Variants in POU2F1 observed in about 807,000 individuals in gnomAD.
POU2F1 encodes the protein POU class 2 homeobox 1.
In POU2F1, 16 loss-of-function variants were observed where a neutral mutation model predicts 84.9. The ratio of observed to expected loss-of-function variants is 0.19; its 90% CI spans 0.13 to 0.29. POU2F1 has a LOEUF of 0.29. POU2F1 is among the 10% of genes least tolerant of loss of function. POU2F1 has a pLI of 1.00. For synonymous variants in POU2F1, 368 were observed against 368.3 expected (o/e 1.00, Z 0.01); for missense variants, 738 against 942.6 (o/e 0.78, Z 2.84).
chr1:167,348,160 A>G (rs1658321273), intron 2 of POU2F1, among the ~76,000 whole-genome samples: 1 of 152,256 alleles, frequency 6.6e-6, no homozygotes, highest in African/African-American at 2.4e-5. Flanking sequence ...CCTAAACTAT[A>G]TGATATAGCC....
rs748982302 is a variant in POU2F1, at chr1:167,398,042, C to G, written c.1178C>G (p.Ser393Cys). Residue 393 changes from serine (S) to cysteine (C), a missense_variant, in exon 11 of 16, where the codon TCT becomes TGT. By Grantham distance (112) the Ser-to-Cys change is moderately radical. Around this residue, in one of 4 missense-constraint regions of POU2F1, gnomAD observed 95 missense variants for 195.1 expected, o/e 0.49. Coordinates refer to ENST00000367866, the MANE Select transcript of POU2F1 (RefSeq NM_002697.4). The part of the protein sequence containing the change: ...SSLSSPSALN[S>C]PGIEGLSRRR... ...CTCTCCAGCCCAAGTGCCCTGAATT[C>G]TCCAGGAATTGAGGGCTTGAGCCGT... The G allele has an allele frequency of 8.7e-6, 14 of 1,613,926 alleles. No individual in the cohort carries two copies. The highest frequency in any genetic ancestry group is 8.5e-7 in the Non-Finnish European group (1 of 1,179,924).
chr1:167,321,551 G>C (rs918748757), intron 1 of POU2F1, among the ~76,000 whole-genome samples: 3 of 152,122 alleles, frequency 2.0e-5, no homozygotes, highest in African/African-American at 7.2e-5. Context: ...GGAGAATTCT[G>C]GAGGAAAATG....
At chr1:167,311,508 A>C (rs1035122742) in intron 1 of POU2F1, among the ~76,000 whole-genome samples, 20 of 152,226 alleles carry the variant, frequency 1.3e-4, no homozygotes, top group Non-Finnish European at 2.9e-5. Flanking sequence ...CATGTTCCAT[A>C]TAACAATGTT....
intron 13 of POU2F1, among the ~76,000 whole-genome samples, chr1:167,405,607 G>A (rs1222109632): frequency 6.6e-6 from 1 of 152,070 alleles, no homozygotes; most frequent in African/African-American, 2.4e-5. Context: ...AGGGTCACTT[G>A]AGCCTGGAAA....
intron 1 of POU2F1, among the ~76,000 whole-genome samples, chr1:167,225,825 TTTG>T (rs1269612285): frequency 7.9e-5 from 12 of 152,350 alleles, no homozygotes; most frequent in Non-Finnish European, 1.6e-4. Context: ...ATCGGTTATT[TTTG>T]TTTTGTTTTT....
At chr1:167,305,949 C>CT (rs1459709228) in intron 1 of POU2F1, among the ~76,000 whole-genome samples, 1 of 152,088 alleles carries the variant, frequency 6.6e-6, no homozygotes, top group Admixed American at 6.5e-5. Flanking sequence ...CACATGTATT[C>CT]TTTTATTTTT....
At chr1:167,312,987 T>C (rs1032569415) in intron 1 of POU2F1, among the ~76,000 whole-genome samples, 32 of 152,168 alleles carry the variant, frequency 2.1e-4, no homozygotes, top group Admixed American at 3.3e-4. Context: ...ATAGCCTAGG[T>C]GTATAGTAGC....
intron 6 of POU2F1, 92 bp downstream of exon 6, chr1:167,374,388 T>G: frequency 7.7e-7 from 1 of 1,295,958 alleles, no homozygotes; most frequent in Non-Finnish European, 1.0e-6. Context: ...ATTGTTAGTG[T>G]GGGGCCTTAA....
rs527288900 is a variant in POU2F1 at position 167,395,658 on chromosome 1, G to A, written c.988-628G>A. Among the ~76,000 whole-genome samples, 4 of 152,098 alleles carry A rather than the reference G, an allele frequency of 2.6e-5. No homozygotes were observed. The East Asian group carries it at 7.7e-4, about 29-fold the overall frequency. On this transcript the variant is annotated intron_variant, in intron 9 of 15. Transcript: ENST00000367866. ...CTCGCTCTGTCACCCAGACTGGAGT[G>A]CGGTGCCATGATCACGGCTTGCTAC... is the stretch of plus-strand genomic sequence containing the variant.
At chr1:167,256,684 G>A (rs1380883167) in intron 1 of POU2F1, among the ~76,000 whole-genome samples, 2 of 152,246 alleles carry the variant, frequency 1.3e-5, no homozygotes, top group East Asian at 3.9e-4. Context: ...CGAAATGATA[G>A]TCTTTGGATG....
chr1:167,305,805 G>C (rs978805010), intron 1 of POU2F1, among the ~76,000 whole-genome samples: 1 of 152,116 alleles, frequency 6.6e-6, no homozygotes, highest in Non-Finnish European at 1.5e-5. Flanking sequence ...ATTATGGAAA[G>C]ATTACAAAGT....
At chr1:167,281,849 C>T (rs1022071171) in intron 1 of POU2F1, among the ~76,000 whole-genome samples, 4 of 152,198 alleles carry the variant, frequency 2.6e-5, no homozygotes, top group Non-Finnish European at 4.4e-5. Context: ...CTTCTCTCAA[C>T]GGTGCATCAC....
At chr1:167,247,502 G>A (rs1420737937) in intron 1 of POU2F1, among the ~76,000 whole-genome samples, 10 of 151,996 alleles carry the variant, frequency 6.6e-5, no homozygotes, top group African/African-American at 2.4e-4. Context: ...GCTTCTTTTT[G>A]TTGTTGTTTC....
chr1:167,313,095 A>T (rs1001525662), intron 1 of POU2F1, among the ~76,000 whole-genome samples: 3 of 152,224 alleles, frequency 2.0e-5, no homozygotes, highest in Admixed American at 1.3e-4. Flanking sequence ...ACAAAGTATG[A>T]CTATATACTT....
chr1:167,348,661 A>T (rs1055844781), intron 2 of POU2F1, among the ~76,000 whole-genome samples: 10 of 152,192 alleles, frequency 6.6e-5, no homozygotes, highest in African/African-American at 2.4e-4. Context: ...TAGTCAAAAT[A>T]TCTTGTAATA....
Position 167,421,047 on chromosome 1 carries a change from T to C in POU2F1, c.*5237T>C, listed in dbSNP as rs570638773. The C allele has an allele frequency of 1.3e-5, 2 of 152,316 alleles. No individual in the cohort carries two copies. Among genetic ancestry groups the C allele is most frequent in the Admixed American group, 1.3e-4 (2 of 15,294 alleles). The allele number at this position is 152,316 out of a possible 1,614,324, so 9.4% of individuals were successfully genotyped here. ...TGCTCATAACTGATATGAGTTTGCT[T>C]TTATGTGTGTGTGGAAAGCATTTAA... On this transcript the variant is annotated 3_prime_UTR_variant, in exon 16 of 16. Transcript: ENST00000367866.
chr1:167,270,986 T>C (rs983863869), intron 1 of POU2F1, among the ~76,000 whole-genome samples: 2 of 152,220 alleles, frequency 1.3e-5, no homozygotes, highest in Non-Finnish European at 2.9e-5. Flanking sequence ...ATGAATTATT[T>C]CTTGACATTT....
At chr1:167,344,992 C>T (rs572833548) in intron 2 of POU2F1, among the ~76,000 whole-genome samples, 3 of 152,212 alleles carry the variant, frequency 2.0e-5, no homozygotes, top group Admixed American at 1.3e-4. Context: ...TTTTCTCACT[C>T]ATAAGTGGGA....
At chr1:167,384,013 T>G (rs1225148794) in intron 8 of POU2F1, 62 bp downstream of exon 8, 1 of 1,297,776 alleles carries the variant, frequency 7.7e-7, no homozygotes, top group Non-Finnish European at 1.0e-6. Flanking sequence ...ACTTTTGGAC[T>G]TTATTTAATT....
Sources: allele counts gnomAD v4.1 joint callset (sites outside exome capture counted in the v4.1 genomes callset), GRCh38; gene constraint gnomAD v4.1.1; regional missense constraint gnomAD v4.1.1; transcripts MANE v1.5; gene names NCBI Gene and HGNC (gene_info 2026-07-23, HGNC 2026-07-21).